Variants in PPM1E observed in about 807,000 individuals in gnomAD.
PPM1E encodes the protein protein phosphatase 1E.
A neutral mutation model predicts 65.9 loss-of-function variants in PPM1E; 20 were observed. The observed-to-expected ratio is 0.30, with a 90% CI of 0.21 to 0.44. The LOEUF (loss-of-function observed/expected upper bound fraction) is 0.44. Ranked by LOEUF, PPM1E falls within the 20% of genes least tolerant of loss-of-function variation. The probability of loss-of-function intolerance (pLI) is 1.00; values close to 1 mark genes in which losing one functional copy is unlikely to be tolerated. For missense variants in PPM1E, 713 were observed against 953.1 expected (o/e 0.75, Z 3.32); for synonymous variants, 352 against 374.9 (o/e 0.94, Z 0.70).
At chr17:58,923,910 T>G (rs933526815) in intron 1 of PPM1E, among the ~76,000 whole-genome samples, 1 of 110,368 alleles carries the variant, frequency 9.1e-6, no homozygotes, top group African/African-American at 3.4e-5. Context: ...AAAGACCCCC[T>G]CTTTTTTTTT....
chr17:58,814,586 T>C (rs564223997), intron 1 of PPM1E, among the ~76,000 whole-genome samples: 17 of 152,338 alleles, frequency 1.1e-4, no homozygotes, highest in Admixed American at 3.3e-4. Flanking sequence ...ACCTTTTCAG[T>C]AAATCACTTC....
chr17:58,794,253 A>T (rs1000908752), intron 1 of PPM1E, among the ~76,000 whole-genome samples: 1 of 149,598 alleles, frequency 6.7e-6, no homozygotes. Context: ...CCAATTTTTA[A>T]TTTTTTTTTA....
intron 1 of PPM1E, among the ~76,000 whole-genome samples, chr17:58,758,175 A>G (rs2049787133): frequency 6.6e-6 from 1 of 151,974 alleles, no homozygotes; most frequent in Non-Finnish European, 1.5e-5. Context: ...AACATTTGCC[A>G]TGTAAGAAGG....
At chr17:58,976,947 T>C (rs930838341) in intron 6 of PPM1E, among the ~76,000 whole-genome samples, 3 of 152,198 alleles carry the variant, frequency 2.0e-5, no homozygotes, top group African/African-American at 7.2e-5. Flanking sequence ...ATGGGAACTT[T>C]AGTAAATTGG....
intron 1 of PPM1E, among the ~76,000 whole-genome samples, chr17:58,952,473 G>T (rs2052252970): frequency 6.6e-6 from 1 of 152,140 alleles, no homozygotes; most frequent in Non-Finnish European, 1.5e-5. Flanking sequence ...GGCAGGCCTA[G>T]GGTCATGGCC....
At chr17:58,791,292 A>G (rs1265528254) in intron 1 of PPM1E, among the ~76,000 whole-genome samples, 1 of 152,232 alleles carries the variant, frequency 6.6e-6, no homozygotes, top group Non-Finnish European at 1.5e-5. Context: ...TCAGATTATC[A>G]GATTATGATA....
chr17:58,883,729 C>A (rs565535441), intron 1 of PPM1E, among the ~76,000 whole-genome samples: 1 of 151,754 alleles, frequency 6.6e-6, no homozygotes, highest in East Asian at 1.9e-4. Flanking sequence ...TCGTGATCCG[C>A]CCGCCTCGGC....
intron 1 of PPM1E, among the ~76,000 whole-genome samples, chr17:58,773,701 ATATAT>A (rs1390921666): frequency 6.6e-6 from 1 of 152,178 alleles, no homozygotes; most frequent in Non-Finnish European, 1.5e-5. Flanking sequence ...AACATAGCAC[ATATAT>A]TATAAACTAA....
intron 6 of PPM1E, 125 bp from the exon 7 acceptor site, chr17:58,979,849 C>A: frequency 2.7e-6 from 2 of 732,094 alleles, no homozygotes; most frequent in South Asian, 4.2e-5. Context: ...TTTATAAATT[C>A]TTTCCAGTCA....
chr17:58,969,368 G>A, intron 3 of PPM1E, 171 bp from the exon 4 acceptor site: 1 of 727,138 alleles, frequency 1.4e-6, no homozygotes, highest in South Asian at 1.5e-5. Context: ...AATATTGCAG[G>A]TATTTCAGCA....
intron 1 of PPM1E, among the ~76,000 whole-genome samples, chr17:58,852,743 A>G (rs1157143539): frequency 1.3e-5 from 2 of 151,804 alleles, no homozygotes; most frequent in South Asian, 2.1e-4. Context: ...AGCTGGGACT[A>G]CAGGTGCACA....
chr17:58,927,100 ATAT>A (rs1180484773), intron 1 of PPM1E, among the ~76,000 whole-genome samples: 1 of 148,010 alleles, frequency 6.8e-6, no homozygotes, highest in Non-Finnish European at 1.5e-5. Context: ...CTTTAGAGAT[ATAT>A]TACTTACTGA....
In PPM1E at chr17:58,913,408, G is replaced by T. The variant is rs538262787; in HGVS notation, c.465-42241G>T. On this transcript the variant is annotated intron_variant, in intron 1 of 6. Transcript: ENST00000308249. The stretch of plus-strand genomic sequence containing the variant: ...TTAAAAAAAAAACTTTTTAATTTTG[G>T]ATAATTTTAGATGTACAGGAAAGCT... Among the ~76,000 whole-genome samples the T allele has an allele frequency of 1.4e-4, 21 of 152,232 alleles. No homozygotes were observed. The East Asian group carries it at 3.9e-3, about 28-fold the overall frequency.
At chr17:58,826,170 C>T (rs1323006868) in intron 1 of PPM1E, among the ~76,000 whole-genome samples, 2 of 151,846 alleles carry the variant, frequency 1.3e-5, no homozygotes, top group Non-Finnish European at 2.9e-5. Flanking sequence ...GCAGCGGGCA[C>T]CTGTAATCCC....
chr17:58,969,540 A>G lies in PPM1E; in HGVS notation c.785A>G (p.Asp262Gly), dbSNP rs778815952. The G allele has an allele frequency of 3.7e-6, 6 of 1,614,024 alleles. No individual in the cohort carries two copies. Among genetic ancestry groups the G allele is most frequent in the African/African-American group, 1.3e-5 (1 of 74,912 alleles). The change falls in exon 4 of 7, where the codon GAC becomes GGC. Residue 262 changes from aspartate (D) to glycine (G), a missense_variant and splice_region_variant. Coordinates refer to ENST00000308249, the MANE Select transcript of PPM1E (RefSeq NM_014906.5). The part of the protein sequence containing the change: ...PDFNMLFNLE[D>G]QEEQAYFAVF... ...ACTGTTCTGTGTTTCTGTTGACAGGACCAGGAAGAACAAGCTTACTTTGCA... is the reference window on the plus strand; with the variant it reads ...ACTGTTCTGTGTTTCTGTTGACAGGGCCAGGAAGAACAAGCTTACTTTGCA...
intron 1 of PPM1E, among the ~76,000 whole-genome samples, chr17:58,881,586 C>G (rs969461955): frequency 2.0e-5 from 3 of 151,988 alleles, no homozygotes; most frequent in Non-Finnish European, 4.4e-5. Flanking sequence ...TGCCTGAACC[C>G]GGGAGGTGGA....
chr17:58,933,669 G>A (rs113033144), intron 1 of PPM1E, among the ~76,000 whole-genome samples: 45 of 151,874 alleles, frequency 3.0e-4, no homozygotes, highest in African/African-American at 9.2e-4. Context: ...GGTGGCGGGC[G>A]CCAGTAATCC....
chr17:58,911,125 A>G (rs1012404451), intron 1 of PPM1E, among the ~76,000 whole-genome samples: 2 of 152,136 alleles, frequency 1.3e-5, no homozygotes, highest in African/African-American at 2.4e-5. Flanking sequence ...ATTGGTTCCT[A>G]TGGAGGTGTC....
At position 58,817,284 on chromosome 17, in the gene PPM1E, T is replaced by C. The variant is rs549938151; in HGVS notation, c.464+60823T>C. 2.0e-5 allele frequency among the ~76,000 whole-genome samples: 3 copies of C among 152,280 alleles called. No homozygotes were observed. The East Asian group carries it at 5.8e-4, about 29-fold the overall frequency. On this transcript the variant is annotated intron_variant, in intron 1 of 6. Transcript: ENST00000308249. ...CTTACAGTTCTTTTGGGTATATGCC[T>C]AGGAGTGGAATTGCCGGATCATATG...
Sources: allele counts gnomAD v4.1 joint callset (sites outside exome capture counted in the v4.1 genomes callset), GRCh38; gene constraint gnomAD v4.1.1; transcripts MANE v1.5; gene names NCBI Gene and HGNC (gene_info 2026-07-23, HGNC 2026-07-21).